Variants in EIF2B3 observed in about 807,000 individuals in gnomAD.
EIF2B3 encodes translation initiation factor eIF2B subunit gamma.
Under a neutral mutation model 54.1 loss-of-function variants are expected in EIF2B3, and 20 were observed. That is an observed-to-expected ratio of 0.37 (90% confidence interval 0.26 to 0.54). The LOEUF (loss-of-function observed/expected upper bound fraction) is 0.54. Among genes scored for constraint, EIF2B3 ranks in the 20% least tolerant of loss-of-function variants. EIF2B3 has a pLI of 0.86. For missense variants in EIF2B3, 448 were observed against 547.8 expected (o/e 0.82, Z 1.82); for synonymous variants, 153 against 188.1 (o/e 0.81, Z 1.52).
intron 6 of EIF2B3, among the ~76,000 whole-genome samples, chr1:44,884,589 T>G (rs544541811): frequency 6.6e-6 from 1 of 152,254 alleles, no homozygotes; most frequent in Non-Finnish European, 1.5e-5. Context: ...GATCCTTTGA[T>G]GAAGATTTAA....
At chr1:44,859,636 C>T (rs777139271) in intron 10 of EIF2B3, among the ~76,000 whole-genome samples, 11 of 150,746 alleles carry the variant, frequency 7.3e-5, no homozygotes, top group Non-Finnish European at 1.0e-4. Flanking sequence ...CTAGCCTGGG[C>T]GACAAGAGCA....
At chr1:44,869,851 T>C (rs1392862778) in intron 10 of EIF2B3, among the ~76,000 whole-genome samples, 1 of 151,914 alleles carries the variant, frequency 6.6e-6, no homozygotes, top group East Asian at 1.9e-4. Flanking sequence ...ATGTTCTAAT[T>C]CATAAGAACA....
At chr1:44,866,389 TTC>T (rs1654779386) in intron 10 of EIF2B3, among the ~76,000 whole-genome samples, 1 of 146,978 alleles carries the variant, frequency 6.8e-6, no homozygotes, top group African/African-American at 2.5e-5. Flanking sequence ...CAGAATGAGA[TTC>T]TGTCTCAAAA....
intron 2 of EIF2B3, among the ~76,000 whole-genome samples, chr1:44,980,405 T>C (rs1644500282): frequency 6.6e-6 from 1 of 151,798 alleles, no homozygotes; most frequent in Non-Finnish European, 1.5e-5. Context: ...GGTTGAACCC[T>C]GGCGGAGGTT....
intron 4 of EIF2B3, among the ~76,000 whole-genome samples, chr1:44,932,605 G>A (rs1347078420): frequency 6.6e-6 from 1 of 152,066 alleles, no homozygotes; most frequent in Non-Finnish European, 1.5e-5. Flanking sequence ...CTCACTTGAA[G>A]AACTTCGGAA....
Position 44,941,551 on chromosome 1 carries a change from C to T in EIF2B3, c.409G>A (p.Asp137Asn). 1.2e-6 allele frequency: 2 copies of T among 1,613,766 alleles called. No homozygotes were observed. The highest frequency in any genetic ancestry group is 1.7e-6 in the Non-Finnish European group (2 of 1,179,826). Residue 137 changes from aspartate to asparagine, a missense_variant, in exon 4 of 12, where the codon GAT (aspartate) becomes AAT (asparagine). Physicochemically the swap from Asp to Asn is conservative, Grantham distance 23. Transcript: ENST00000360403. ...TGACCGGGAACAGGTTCTATGCTAT[C>T]TTGGCCTTTTCTCATCAACATAGCA... ...SLAMLMRKGQ[D>N]SIEPVPGQKG...
chr1:44,875,575 C>T lies in EIF2B3; in HGVS notation c.1053+43G>A, dbSNP rs1277903696. ...TTCTCAAAAACAAGTCTCGATGCTC[C>T]CAAAGAACATCTCATGCCCGTCCTG... On this transcript the variant is annotated intron_variant, in intron 9 of 11. Coordinates refer to ENST00000360403, the MANE Select transcript of EIF2B3 (RefSeq NM_020365.5). 2 of 1,590,946 alleles carry T rather than the reference C, an allele frequency of 1.3e-6. 1 individual carries two copies. The highest frequency in any genetic ancestry group is 1.7e-6 in the Non-Finnish European group (2 of 1,159,076).
intron 3 of EIF2B3, among the ~76,000 whole-genome samples, chr1:44,943,380 A>ATATCTG (rs1311498248): frequency 1.1e-5 from 1 of 91,890 alleles, no homozygotes; most frequent in Non-Finnish European, 2.8e-5. Context: ...ATCTATATCT[A>ATATCTG]TATCTATATC....
At chr1:44,901,078 G>A (rs1643284735) in intron 5 of EIF2B3, among the ~76,000 whole-genome samples, 2 of 151,974 alleles carry the variant, frequency 1.3e-5, no homozygotes, top group Non-Finnish European at 2.9e-5. Context: ...CCAAAGAGGT[G>A]GGACTACAGG....
At chr1:44,925,476 A>G (rs1172853641) in intron 5 of EIF2B3, among the ~76,000 whole-genome samples, 2 of 152,216 alleles carry the variant, frequency 1.3e-5, no homozygotes, top group African/African-American at 2.4e-5. Flanking sequence ...TATTTAAAGT[A>G]GAATCGTGGG....
At chr1:44,894,927 C>G (rs148235655) in intron 6 of EIF2B3, among the ~76,000 whole-genome samples, 1 of 152,310 alleles carries the variant, frequency 6.6e-6, no homozygotes, top group East Asian at 1.9e-4. Flanking sequence ...TACCACCAAC[C>G]AATTCAATCC....
intron 4 of EIF2B3, among the ~76,000 whole-genome samples, chr1:44,937,568 T>A (rs1475699795): frequency 6.6e-6 from 1 of 152,118 alleles, no homozygotes; most frequent in Non-Finnish European, 1.5e-5. Context: ...TAGAGAGCAT[T>A]TCAGGCAAGG....
intron 4 of EIF2B3, among the ~76,000 whole-genome samples, chr1:44,928,211 A>G (rs1223583842): frequency 6.6e-6 from 1 of 152,066 alleles, no homozygotes; most frequent in Non-Finnish European, 1.5e-5. Flanking sequence ...TTGGGAGGCC[A>G]AGGCAGGTGG....
Position 44,946,444 on chromosome 1 carries a change from C to CTTTTTTTTTTTTTT in EIF2B3, c.295-4780_295-4779insAAAAAAAAAAAAAA, listed in dbSNP as rs758880130. Among the ~76,000 whole-genome samples, 8 of 140,320 alleles carry CTTTTTTTTTTTTTT rather than the reference C, an allele frequency of 5.7e-5. 1 individual carries two copies. Among genetic ancestry groups the CTTTTTTTTTTTTTT allele is most frequent in the African/African-American group, 1.1e-4 (4 of 36,898 alleles). 92.1% of individuals were successfully genotyped at this position (140,320 alleles called of 152,430 possible). ...AATCACACTTATACCTTCATAATAC[C>CTTTTTTTTTTTTTT]TTTTTTTTTTTGAGACAGGGTCTCA... On this transcript the variant is annotated intron_variant, in intron 3 of 11. Transcript: ENST00000360403.
chr1:44,917,329 A>G (rs1479041173), intron 5 of EIF2B3, among the ~76,000 whole-genome samples: 1 of 152,072 alleles, frequency 6.6e-6, no homozygotes, highest in Non-Finnish European at 1.5e-5. Context: ...CCCCGTCTCT[A>G]CTAAAAATAC....
intron 5 of EIF2B3, among the ~76,000 whole-genome samples, chr1:44,913,760 C>A (rs1023820264): frequency 5.5e-5 from 8 of 144,234 alleles, no homozygotes; most frequent in Admixed American, 2.1e-4. Context: ...CCTCTGTCTC[C>A]CAAAGTGGAC....
intron 3 of EIF2B3, among the ~76,000 whole-genome samples, chr1:44,976,168 G>C (rs922760787): frequency 1.3e-5 from 2 of 152,146 alleles, no homozygotes; most frequent in African/African-American, 4.8e-5. Context: ...TAAATAAAAA[G>C]CCACAGACTG....
Position 44,966,666 on chromosome 1 carries a change from A to G in EIF2B3, c.294+11649T>C, listed in dbSNP as rs79396184. ...CACTCTTCTCTTCTGAAAATGTAGA[A>G]AGACCAACTTCAGATAAAAATTACA... On this transcript the variant is annotated intron_variant, in intron 3 of 11. Transcript: ENST00000360403. Among the ~76,000 whole-genome samples the G allele has an allele frequency of 5.3e-3, 807 of 152,286 alleles. 31 individuals carry two copies. The highest frequency in any genetic ancestry group is 0.046 in the East Asian group (237 of 5,174).
intron 5 of EIF2B3, among the ~76,000 whole-genome samples, chr1:44,918,933 C>T (rs531502234): frequency 7.0e-4 from 107 of 152,266 alleles, no homozygotes; most frequent in African/African-American, 2.3e-3. Flanking sequence ...TAGAAAAGGA[C>T]GATTTCACTC....
Sources: allele counts gnomAD v4.1 joint callset (sites outside exome capture counted in the v4.1 genomes callset), GRCh38; gene constraint gnomAD v4.1.1; transcripts MANE v1.5; gene names NCBI Gene and HGNC (gene_info 2026-07-23, HGNC 2026-07-21).